Variants in SH3GL3 observed in about 807,000 individuals in gnomAD.
SH3GL3 encodes the protein SH3 domain containing GRB2 like 3, endophilin A3, also known as endophilin-A3.
Under a neutral mutation model 47.7 loss-of-function variants are expected in SH3GL3, and 33 were observed. That is an observed-to-expected ratio of 0.69 (90% CI 0.52 to 0.92). The LOEUF is 0.92. SH3GL3 is among the 40% of genes least tolerant of loss of function. The pLI, the probability that SH3GL3 is intolerant of heterozygous loss-of-function variation, is 0.00. For missense variants in SH3GL3, 363 were observed against 417.8 expected (o/e 0.87, Z 1.14); for synonymous variants, 155 against 148.8 (o/e 1.04, Z -0.30).
At chr15:83,490,628 C>T (rs2041836011) in intron 1 of SH3GL3, 2 of 682,068 alleles carry the variant, frequency 2.9e-6, no homozygotes, top group Non-Finnish European at 4.6e-6. Flanking sequence ...CAGCCTGGCA[C>T]AGTATATGAC....
rs761916212 is a variant in SH3GL3 at position 83,568,535 on chromosome 15, G to C, written c.194G>C (p.Arg65Thr). Reference sequence around the variant, plus strand: ...AAATGACAATGTTTTTAAGCATACAGAGCTAAGCTAGGAATGCTGAACACT... The same window carrying C: ...AAATGACAATGTTTTTAAGCATACACAGCTAAGCTAGGAATGCTGAACACT... ...TEYLQPNPAYRAKLGMLNTVS... is the reference protein window; with the variant it reads ...TEYLQPNPAYTAKLGMLNTVS... The change falls in exon 4 of 9, where the codon AGA becomes ACA. Residue 65 changes from arginine to threonine, a missense_variant. By Grantham distance (71) the Arg-to-Thr change is moderately conservative (BLOSUM62 -1). Coordinates refer to ENST00000427482, the MANE Select transcript of SH3GL3 (RefSeq NM_003027.5). 6.2e-7 allele frequency: 1 copy of C among 1,612,722 alleles called. No individual in the cohort carries two copies. Among genetic ancestry groups the C allele is most frequent in the Non-Finnish European group, 8.5e-7 (1 of 1,178,854 alleles).
chr15:83,544,671 G>T (rs186277224), intron 1 of SH3GL3, among the ~76,000 whole-genome samples: 15 of 152,244 alleles, frequency 9.9e-5, no homozygotes, highest in Admixed American at 9.2e-4. Context: ...AGCATGGTGA[G>T]TATTAGGGAG....
chr15:83,612,417 G>T (rs373684883), intron 8 of SH3GL3, among the ~76,000 whole-genome samples: 1 of 152,220 alleles, frequency 6.6e-6, no homozygotes, highest in African/African-American at 2.4e-5. Flanking sequence ...ATTTGGAGCC[G>T]TGTGTCACTG....
At chr15:83,605,371 G>T (rs2060488894) in intron 8 of SH3GL3, among the ~76,000 whole-genome samples, 1 of 152,116 alleles carries the variant, frequency 6.6e-6, no homozygotes, top group Admixed American at 6.5e-5. Flanking sequence ...AAAAGAAAAT[G>T]ACATTTATAG....
Position 83,555,197 on chromosome 15 carries a change from T to C in SH3GL3, c.46-4056T>C, listed in dbSNP as rs2044882786. ...ATTTTTATGACTATATAATACTTTTTGTTTCTAATGTTTTATGTCTATCTT... is the reference window on the plus strand; with the variant it reads ...ATTTTTATGACTATATAATACTTTTCGTTTCTAATGTTTTATGTCTATCTT... On this transcript the variant is annotated intron_variant, in intron 1 of 8. Coordinates refer to ENST00000427482, the MANE Select transcript of SH3GL3 (RefSeq NM_003027.5). Among the ~76,000 whole-genome samples the C allele has an allele frequency of 2.0e-5, 3 of 152,206 alleles. No individual in the cohort carries two copies. In the South Asian group the frequency reaches 6.2e-4, roughly 31 times the overall value.
At chr15:83,502,488 C>G (rs1339055762) in intron 1 of SH3GL3, among the ~76,000 whole-genome samples, 1 of 152,194 alleles carries the variant, frequency 6.6e-6, no homozygotes, top group Non-Finnish European at 1.5e-5. Flanking sequence ...GTATCTGTGA[C>G]TTTTGGAGGT....
At chr15:83,461,647 T>A (rs892386847) in intron 1 of SH3GL3, among the ~76,000 whole-genome samples, 3 of 152,152 alleles carry the variant, frequency 2.0e-5, no homozygotes, top group Admixed American at 6.5e-5. Flanking sequence ...TTGATAAAAA[T>A]TTATTTTTTA....
chr15:83,501,167 C>T (rs2042278319), intron 1 of SH3GL3, among the ~76,000 whole-genome samples: 1 of 152,080 alleles, frequency 6.6e-6, no homozygotes, highest in African/African-American at 2.4e-5. Context: ...CTTTGAAGGC[C>T]AACAGCTTGT....
chr15:83,474,698 G>A (rs2041013619), intron 1 of SH3GL3, among the ~76,000 whole-genome samples: 1 of 152,154 alleles, frequency 6.6e-6, no homozygotes, highest in African/African-American at 2.4e-5. Context: ...GTCTGAGGAT[G>A]TTCCTGTAAA....
Position 83,448,308 on chromosome 15 carries a change from A to G in SH3GL3, c.45+730A>G, listed in dbSNP as rs2039548432. Among the ~76,000 whole-genome samples the G allele has an allele frequency of 6.6e-6, 1 of 152,062 alleles. No homozygotes were observed. On this transcript the variant is annotated intron_variant, in intron 1 of 8. Coordinates refer to ENST00000427482, the MANE Select transcript of SH3GL3 (RefSeq NM_003027.5). This position sits in a 1 kb window ranked among gnomAD's most constrained non-coding sequence, Gnocchi z 4.2. ...ATAACACAGTGGGGGCGTCAGGGAG[A>G]GCTTCCCGGAGGAGGAGACATGTCA...
intron 1 of SH3GL3, among the ~76,000 whole-genome samples, chr15:83,473,236 T>A (rs1431825568): frequency 5.8e-5 from 1 of 17,214 alleles, no homozygotes; most frequent in South Asian, 2.1e-3. Context: ...GGTGGGGGGG[T>A]GGGTGGGTGT....
intron 8 of SH3GL3, among the ~76,000 whole-genome samples, chr15:83,609,096 G>A (rs2060599838): frequency 1.3e-5 from 2 of 152,078 alleles, no homozygotes; most frequent in African/African-American, 4.8e-5. Context: ...CATACCTTTG[G>A]GTCTCAATTT....
chr15:83,588,353 A>G (rs936479069), intron 7 of SH3GL3, among the ~76,000 whole-genome samples: 3 of 151,808 alleles, frequency 2.0e-5, no homozygotes, highest in African/African-American at 7.3e-5. Context: ...CTGATCTCGA[A>G]CTCCTGACCT....
At chr15:83,598,139 T>A (rs1368552039) in intron 8 of SH3GL3, among the ~76,000 whole-genome samples, 1 of 152,188 alleles carries the variant, frequency 6.6e-6, no homozygotes, top group Non-Finnish European at 1.5e-5. Flanking sequence ...GTTTCTATCA[T>A]CCATGGCACT....
intron 1 of SH3GL3, among the ~76,000 whole-genome samples, chr15:83,493,500 G>A (rs1227510931): frequency 1.3e-5 from 2 of 152,192 alleles, no homozygotes; most frequent in Non-Finnish European, 2.9e-5. Flanking sequence ...GGGATCAGTG[G>A]CTCAGCAAGT....
intron 1 of SH3GL3, among the ~76,000 whole-genome samples, chr15:83,484,820 C>T (rs1294894833): frequency 4.6e-5 from 7 of 152,302 alleles, no homozygotes; most frequent in Middle Eastern, 3.4e-3. Flanking sequence ...TTTTCAAATA[C>T]GTTCTTCAAG....
intron 6 of SH3GL3, among the ~76,000 whole-genome samples, chr15:83,578,635 C>A (rs1389692440): frequency 2.7e-5 from 4 of 150,474 alleles, no homozygotes; most frequent in African/African-American, 9.8e-5. Flanking sequence ...GAAAAGTACA[C>A]TCTACTGTGT....
Position 83,448,725 on chromosome 15 carries a change from A to G in SH3GL3, c.45+1147A>G, listed in dbSNP as rs1410852596. Among the ~76,000 whole-genome samples, 1 of 152,150 alleles carries G rather than the reference A, an allele frequency of 6.6e-6. No individual in the cohort carries two copies. The highest frequency in any genetic ancestry group is 6.5e-5 in the Admixed American group (1 of 15,272). ...AATTGGCCCATAGAAAGCAACTGCA[A>G]TTAGAAGATTCTCTTCTTCTAGCCC... On this transcript the variant is annotated intron_variant, in intron 1 of 8. Transcript: ENST00000427482. The surrounding 1 kb of genome is among the most constrained non-coding windows in gnomAD (Gnocchi z 4.2).
chr15:83,478,017 A>G (rs886274243), intron 1 of SH3GL3, among the ~76,000 whole-genome samples: 38 of 152,090 alleles, frequency 2.5e-4, no homozygotes, highest in African/African-American at 9.2e-4. Flanking sequence ...CTTTGGGGAC[A>G]CTTTCAGCAG....
Sources: allele counts gnomAD v4.1 joint callset (sites outside exome capture counted in the v4.1 genomes callset), GRCh38; gene constraint gnomAD v4.1.1; non-coding constraint Gnocchi (gnomAD v3.1); transcripts MANE v1.5; gene names NCBI Gene and HGNC (gene_info 2026-07-23, HGNC 2026-07-21).